The following LMTK2 variants were observed in gnomAD, a reference collection of about 807,000 sequenced individuals.
LMTK2 encodes the protein serine/threonine-protein kinase LMTK2.
Under a neutral mutation model 127.5 loss-of-function variants are expected in LMTK2, and 37 were observed. The observed-to-expected ratio is 0.29, with a 90% CI of 0.22 to 0.38. The LOEUF (loss-of-function observed/expected upper bound fraction) is 0.38, where lower values mean the gene tolerates loss of function less well. Ranked by LOEUF, LMTK2 falls within the 10% of genes least tolerant of loss-of-function variation. The pLI is 1.00. For synonymous variants in LMTK2, 819 were observed against 810.1 expected (o/e 1.01, Z -0.19); for missense variants, 1,694 against 1,920.3 (o/e 0.88, Z 2.20).
chr7:98,166,740 C>G (rs1031344358), intron 6 of LMTK2, among the ~76,000 whole-genome samples: 1 of 152,232 alleles, frequency 6.6e-6, no homozygotes, highest in Non-Finnish European at 1.5e-5. Flanking sequence ...TAGCAAGAAA[C>G]CACCCTCTGT....
Position 98,137,450 on chromosome 7 carries a change from C to G in LMTK2, c.231+8C>G. On this transcript the variant is annotated splice_region_variant and intron_variant, in intron 2 of 13. Coordinates refer to ENST00000297293, the MANE Select transcript of LMTK2 (RefSeq NM_014916.4). ...CCAGAAATAGACTTTAAGGTGAGCA[C>G]AGAGGGTAGGAACATTTAAAATGGT... The G allele has an allele frequency of 6.2e-7, 1 of 1,609,978 alleles. No homozygotes were observed. The highest frequency in any genetic ancestry group is 8.5e-7 in the Non-Finnish European group (1 of 1,178,528).
intron 6 of LMTK2, among the ~76,000 whole-genome samples, chr7:98,166,573 TGAGA>T (rs576924610): frequency 2.0e-5 from 3 of 151,876 alleles, no homozygotes; most frequent in East Asian, 3.9e-4. Context: ...GGTATATTAT[TGAGA>T]AAGACAAAAT....
chr7:98,194,693 C>A lies in LMTK2; in HGVS notation c.4107+121C>A. The A allele has an allele frequency of 2.3e-6, 2 of 878,436 alleles. No individual in the cohort carries two copies. Among genetic ancestry groups the A allele is most frequent in the Non-Finnish European group, 3.4e-6 (2 of 590,164 alleles). The allele number at this position is 878,436 out of a possible 1,614,324, so 54.4% of individuals were successfully genotyped here. ...TTTGAGGCAGCAGATTGTGATTACT[C>A]ACAAAAAGTAATTTGGGGTTGGTTA... On this transcript the variant is annotated intron_variant, in intron 11 of 13. Transcript: ENST00000297293. The surrounding 1 kb of genome is among the most constrained non-coding windows in gnomAD (Gnocchi z 5.4).
chr7:98,191,076 C>A (rs1797516096), intron 10 of LMTK2, among the ~76,000 whole-genome samples, 199 bp downstream of exon 10: 1 of 152,018 alleles, frequency 6.6e-6, no homozygotes, highest in Non-Finnish European at 1.5e-5. Context: ...GCTTTAGGGT[C>A]CTTGTAAATT....
In LMTK2 at chr7:98,110,751, A is replaced by G. The variant is rs1433006976; in HGVS notation, c.103+3471A>G. Among the ~76,000 whole-genome samples the G allele has an allele frequency of 5.9e-5, 9 of 152,222 alleles. No individual in the cohort carries two copies. The South Asian group carries it at 1.7e-3, about 28-fold the overall frequency. On this transcript the variant is annotated intron_variant, in intron 1 of 13. Coordinates refer to ENST00000297293, the MANE Select transcript of LMTK2 (RefSeq NM_014916.4). ...TGGTGAGACAAGGAAACCCAGTTCT[A>G]TTGTTCTGCAGCATATTAGGTCACA...
intron 7 of LMTK2, among the ~76,000 whole-genome samples, chr7:98,180,858 ACT>A (rs1415967404): frequency 1.3e-5 from 2 of 152,004 alleles, no homozygotes; most frequent in African/African-American, 4.8e-5. Context: ...CTTCTTAGTC[ACT>A]CTGAAAATAC....
intron 6 of LMTK2, among the ~76,000 whole-genome samples, chr7:98,168,496 C>T (rs955152500): frequency 6.6e-6 from 1 of 152,234 alleles, no homozygotes. Flanking sequence ...TTCTTTCATC[C>T]TTTCAATAAA....
intron 3 of LMTK2, among the ~76,000 whole-genome samples, chr7:98,144,746 CTTTT>C (rs59204405): frequency 3.5e-5 from 5 of 141,952 alleles, no homozygotes; most frequent in South Asian, 2.2e-4. Context: ...CATAGTCCTC[CTTTT>C]TTTTTTTTTT....
chr7:98,193,511 C>G lies in LMTK2; in HGVS notation c.3046C>G (p.His1016Asp), dbSNP rs767936142. The stretch of plus-strand genomic sequence containing the variant: ...AGCGCTACTGGACTCTTTAGGATCT[C>G]ACACTCCCCAGAAACTAGTGCCCCC... The part of the protein sequence containing the change: ...HEALLDSLGS[H>D]TPQKLVPPDK... The change falls in exon 11 of 14, where the codon CAC becomes GAC. Residue 1016 changes from histidine (H) to aspartate (D), a missense_variant. Coordinates refer to ENST00000297293, the MANE Select transcript of LMTK2 (RefSeq NM_014916.4). The surrounding 1 kb of genome is among the most constrained non-coding windows in gnomAD (Gnocchi z 4.1). 16 of 1,614,148 alleles carry G rather than the reference C, an allele frequency of 9.9e-6. No homozygotes were observed. The highest frequency in any genetic ancestry group is 1.7e-5 in the Admixed American group (1 of 60,024).
At position 98,193,507 on chromosome 7, in the gene LMTK2, A is replaced by T; in HGVS notation, c.3042A>T (p.Gly1014=). Residue 1014 remains glycine (G), a synonymous_variant, in exon 11 of 14, where the codon GGA becomes GGT. Transcript: ENST00000297293. The surrounding 1 kb of genome is among the most constrained non-coding windows in gnomAD (Gnocchi z 4.1). ...ACGAAGCGCTACTGGACTCTTTAGG[A>T]TCTCACACTCCCCAGAAACTAGTGC... ...DVHEALLDSL[G]SHTPQKLVPP... is the part of the protein sequence containing the mutation. 3 of 1,613,930 alleles carry T rather than the reference A, an allele frequency of 1.9e-6. No individual in the cohort carries two copies. The highest frequency in any genetic ancestry group is 1.7e-6 in the Non-Finnish European group (2 of 1,179,976).
chr7:98,125,175 C>T (rs1375475496), intron 1 of LMTK2, among the ~76,000 whole-genome samples: 3 of 151,944 alleles, frequency 2.0e-5, no homozygotes, highest in African/African-American at 7.2e-5. Context: ...TGGTGGCGGG[C>T]GCCTGTAGTC....
chr7:98,180,022 G>A (rs866942224), intron 7 of LMTK2, among the ~76,000 whole-genome samples: 2 of 152,328 alleles, frequency 1.3e-5, no homozygotes, highest in Middle Eastern at 3.4e-3. Context: ...ATTTGTTAAT[G>A]AGGAAAATAA....
At chr7:98,179,885 G>A (rs1797329453) in intron 7 of LMTK2, among the ~76,000 whole-genome samples, 2 of 152,204 alleles carry the variant, frequency 1.3e-5, no homozygotes, top group African/African-American at 4.8e-5. Flanking sequence ...TGGAACAGCA[G>A]CTCCAAGTGT....
At chr7:98,175,097 T>A (rs1354186080) in intron 7 of LMTK2, among the ~76,000 whole-genome samples, 1 of 152,188 alleles carries the variant, frequency 6.6e-6, no homozygotes, top group East Asian at 1.9e-4. Flanking sequence ...TTGGTCTGTC[T>A]CAGCCACTCA....
chr7:98,129,567 T>C (rs1390659203), intron 1 of LMTK2, among the ~76,000 whole-genome samples: 1 of 151,768 alleles, frequency 6.6e-6, no homozygotes, highest in African/African-American at 2.4e-5. Context: ...TGTCTCACTA[T>C]GTTGCCCATG....
At chr7:98,156,465 CAAA>C (rs778244876) in intron 5 of LMTK2, among the ~76,000 whole-genome samples, 1 of 129,588 alleles carries the variant, frequency 7.7e-6, no homozygotes. Flanking sequence ...ACTCCGTCTC[CAAA>C]AAAAAAAAAG....
In LMTK2 at chr7:98,193,016, G is replaced by A. The variant is rs907911760; in HGVS notation, c.2551G>A (p.Glu851Lys). The stretch of plus-strand genomic sequence containing the variant: ...CACGTGTTTAGATGTTATTGTCCCG[G>A]AGGACTGTCTCCACCAGGACATCAG... ...QPTCLDVIVP[E>K]DCLHQDISPD... Residue 851 changes from glutamate (E) to lysine (K), a missense_variant, in exon 11 of 14, where the codon GAG (glutamate) becomes AAG (lysine). Transcript: ENST00000297293. This position sits in a 1 kb window ranked among gnomAD's most constrained non-coding sequence, Gnocchi z 4.1. 12 of 1,613,912 alleles carry A rather than the reference G, an allele frequency of 7.4e-6. No individual in the cohort carries two copies. The African/African-American group carries it at 1.6e-4, about 22-fold the overall frequency.
At chr7:98,137,673 C>G (rs1272928385) in intron 2 of LMTK2, among the ~76,000 whole-genome samples, 4 of 152,228 alleles carry the variant, frequency 2.6e-5, no homozygotes, top group Admixed American at 2.0e-4. Flanking sequence ...ATGGTCATGG[C>G]TTTGTGCCAA....
In LMTK2 at chr7:98,172,513, G is replaced by C. The variant is rs570055758; in HGVS notation, c.791+839G>C. Among the ~76,000 whole-genome samples the C allele has an allele frequency of 6.6e-5, 10 of 152,228 alleles. No homozygotes were observed. In the East Asian group the frequency reaches 1.9e-3, roughly 29 times the overall value. ...GGACTTGGAGTCCCGTCTCAAATGA[G>C]GAGTCTGTTCTGTGAACCCAAAAGG... On this transcript the variant is annotated intron_variant, in intron 7 of 13. Coordinates refer to ENST00000297293, the MANE Select transcript of LMTK2 (RefSeq NM_014916.4).
Sources: gnomAD v4.1 joint callset for allele counts (sites outside exome capture counted in the v4.1 genomes callset) on GRCh38, gnomAD v4.1.1 for gene constraint, Gnocchi (gnomAD v3.1) non-coding constraint, MANE v1.5 for transcripts, NCBI Gene and HGNC (gene_info 2026-07-23, HGNC 2026-07-21) for gene names.